ARID2: variants seen among roughly 807,000 people sequenced by gnomAD.
ARID2 encodes AT-rich interactive domain-containing protein 2.
Under a neutral mutation model 184.6 loss-of-function variants are expected in ARID2, and 32 were observed. The ratio of observed to expected loss-of-function variants is 0.17; its 90% CI spans 0.13 to 0.23. The LOEUF (loss-of-function observed/expected upper bound fraction) is 0.23, where lower values mean the gene tolerates loss of function less well. Ranked by LOEUF, ARID2 falls within the 10% of genes least tolerant of loss-of-function variation. The pLI, the probability that ARID2 is intolerant of heterozygous loss-of-function variation, is 1.00. For synonymous variants in ARID2, 836 were observed against 772.6 expected, an observed-to-expected ratio of 1.08 and a Z score of -1.36; for missense variants, 1,696 against 2,197.6, an observed-to-expected ratio of 0.77 and a Z score of 4.56.
intron 3 of ARID2, among the ~76,000 whole-genome samples, chr12:45,738,091 T>C (rs1941165642): frequency 6.6e-6 from 1 of 152,180 alleles, no homozygotes; most frequent in African/African-American, 2.4e-5. Flanking sequence ...GGTTTTTTTT[T>C]CTCATAGAAC....
chr12:45,847,456 A>G (rs1017593978), intron 12 of ARID2, among the ~76,000 whole-genome samples: 12 of 152,188 alleles, frequency 7.9e-5, no homozygotes, highest in African/African-American at 2.9e-4. Context: ...CTTGACAATA[A>G]TATTTCCTTG....
intron 16 of ARID2, among the ~76,000 whole-genome samples, chr12:45,876,083 T>C (rs1032996696): frequency 3.9e-5 from 6 of 152,280 alleles, no homozygotes; most frequent in African/African-American, 1.4e-4. Flanking sequence ...TAATCATTTC[T>C]AGCTTTTAAT....
chr12:45,779,882 AAG>A (rs923593524), intron 3 of ARID2, among the ~76,000 whole-genome samples: 5 of 152,186 alleles, frequency 3.3e-5, no homozygotes, highest in African/African-American at 1.2e-4. Flanking sequence ...GTAGGAATGT[AAG>A]AGCGCTGCTT....
At chr12:45,791,201 T>C (rs1942284348) in intron 3 of ARID2, among the ~76,000 whole-genome samples, 1 of 132,188 alleles carries the variant, frequency 7.6e-6, no homozygotes, top group Non-Finnish European at 1.5e-5. Context: ...GCCAGCACAT[T>C]TTCTGTGTGT....
chr12:45,828,232 TC>T (rs1430746735), intron 6 of ARID2, among the ~76,000 whole-genome samples: 1 of 152,040 alleles, frequency 6.6e-6, no homozygotes, highest in African/African-American at 2.4e-5. Context: ...TTATTCTACT[TC>T]TCTTTTTTTC....
At chr12:45,865,099 C>T (rs1943811940) in intron 16 of ARID2, among the ~76,000 whole-genome samples, 1 of 152,048 alleles carries the variant, frequency 6.6e-6, no homozygotes, top group Admixed American at 6.6e-5. Flanking sequence ...AGTGGATTTC[C>T]CAGGTCCTTT....
intron 3 of ARID2, among the ~76,000 whole-genome samples, chr12:45,801,633 C>G (rs1377103935): frequency 1.3e-5 from 2 of 152,164 alleles, no homozygotes; most frequent in African/African-American, 2.4e-5. Context: ...AATACATTCT[C>G]TGTGTCTAAT....
chr12:45,757,432 T>C (rs1292740304), intron 3 of ARID2, among the ~76,000 whole-genome samples: 1 of 152,166 alleles, frequency 6.6e-6, no homozygotes, highest in Non-Finnish European at 1.5e-5. Context: ...ATGTGAAGTT[T>C]TAGGAAATGT....
chr12:45,770,091 A>G (rs371881733), intron 3 of ARID2, among the ~76,000 whole-genome samples: 1 of 152,040 alleles, frequency 6.6e-6, no homozygotes, highest in Non-Finnish European at 1.5e-5. Context: ...CATCTCTACT[A>G]AAAATACAAA....
chr12:45,770,166 T>C (rs531695543), intron 3 of ARID2, among the ~76,000 whole-genome samples: 2 of 150,868 alleles, frequency 1.3e-5, no homozygotes, highest in South Asian at 4.2e-4. Context: ...GGCAGGAGAA[T>C]GGCGTGAATA....
Position 45,907,857 on chromosome 12 carries a change from C to T in ARID2, c.*2779C>T, listed in dbSNP as rs904349454. On this transcript the variant is annotated 3_prime_UTR_variant, in exon 21 of 21. Transcript: ENST00000334344. ...TTGGCACTCAATAAATTTTAAGTAA[C>T]AAAATTGATAATCATATAGCGAAGG... 1.7e-5 allele frequency: 4 copies of T among 231,592 alleles called. No homozygotes were observed. The highest frequency in any genetic ancestry group is 3.4e-5 in the Non-Finnish European group (4 of 116,960). 14.3% of individuals were successfully genotyped at this position (231,592 alleles called of 1,614,324 possible).
chr12:45,852,678 G>A lies in ARID2; in HGVS notation c.4555G>A (p.Ala1519Thr), dbSNP rs775172499. Reference sequence around the variant, plus strand: ...AGAATGCAAAACTGTAAAGAGGCCAGCAGAGGATACTGATAGGGAAACAGT... The same window carrying A: ...AGAATGCAAAACTGTAAAGAGGCCAACAGAGGATACTGATAGGGAAACAGT... ...TAECKTVKRP[A>T]EDTDRETVAG... The change falls in exon 15 of 21, where the codon GCA becomes ACA. Residue 1519 changes from alanine (A) to threonine (T), a missense_variant. By Grantham distance (58) the Ala-to-Thr change is moderately conservative (BLOSUM62 0). Coordinates refer to ENST00000334344, the MANE Select transcript of ARID2 (RefSeq NM_152641.4). 1.2e-6 allele frequency: 2 copies of A among 1,614,052 alleles called. No homozygotes were observed. The highest frequency in any genetic ancestry group is 2.7e-5 in the African/African-American group (2 of 74,934).
At chr12:45,736,086 G>T (rs200961113) in intron 3 of ARID2, among the ~76,000 whole-genome samples, 2 of 152,320 alleles carry the variant, frequency 1.3e-5, no homozygotes, top group East Asian at 3.9e-4. Flanking sequence ...GCCGGGCGTG[G>T]TGGCTCACGC....
Position 45,793,730 on chromosome 12 carries a change from C to CAT in ARID2, c.285-17676_285-17675dup, listed in dbSNP as rs550416206. On this transcript the variant is annotated intron_variant, in intron 3 of 20. Coordinates refer to ENST00000334344, the MANE Select transcript of ARID2 (RefSeq NM_152641.4). The stretch of plus-strand genomic sequence containing the variant: ...ATATATATCTCAGCAAGATATTCTA[C>CAT]ATATATATATATACACTTTTTTTTT... Among the ~76,000 whole-genome samples, 1,111 of 150,290 alleles carry CAT rather than the reference C, an allele frequency of 7.4e-3. 9 individuals carry two copies. Among genetic ancestry groups the CAT allele is most frequent in the African/African-American group, 0.02 (799 of 40,952 alleles).
At chr12:45,809,809 C>T (rs760213794) in intron 3 of ARID2, among the ~76,000 whole-genome samples, 2 of 152,054 alleles carry the variant, frequency 1.3e-5, no homozygotes, top group Non-Finnish European at 2.9e-5. Context: ...ATTATTGTGT[C>T]TTGTAAAGCT....
intron 3 of ARID2, among the ~76,000 whole-genome samples, chr12:45,805,603 A>AT (rs1397575726): frequency 6.6e-6 from 1 of 152,056 alleles, no homozygotes; most frequent in East Asian, 1.9e-4. Flanking sequence ...CCATTCCGAC[A>AT]TTTTAAAAAA....
chr12:45,739,019 A>G (rs117711585), intron 3 of ARID2, among the ~76,000 whole-genome samples: 3,612 of 151,722 alleles, frequency 0.024, 77 homozygotes, highest in Non-Finnish European at 0.036. Flanking sequence ...CCCAGGCTAG[A>G]GTGCAGTGGT....
intron 15 of ARID2, among the ~76,000 whole-genome samples, chr12:45,857,269 T>G (rs186820398): frequency 3.2e-4 from 49 of 152,290 alleles, no homozygotes; most frequent in African/African-American, 1.2e-3. Context: ...TATTGGTATC[T>G]TACTGGTAAA....
chr12:45,895,298 G>A (rs1944355308), intron 20 of ARID2, among the ~76,000 whole-genome samples: 1 of 152,080 alleles, frequency 6.6e-6, no homozygotes, highest in South Asian at 2.1e-4. Flanking sequence ...AGTGGTTACT[G>A]CTTCCTTTCC....
Sources: allele counts gnomAD v4.1 joint callset (sites outside exome capture counted in the v4.1 genomes callset), GRCh38; gene constraint gnomAD v4.1.1; transcripts MANE v1.5; gene names NCBI Gene and HGNC (gene_info 2026-07-23, HGNC 2026-07-21).